The following ANO9 variants were observed in gnomAD, a reference collection of about 807,000 sequenced individuals.
The protein encoded by ANO9 is anoctamin 9, also known as anoctamin-9.
A neutral mutation model predicts 100.5 loss-of-function variants in ANO9; 80 were observed. That is an observed-to-expected ratio of 0.80 (90% CI 0.66 to 0.96). ANO9 has a LOEUF of 0.96. ANO9 is among the 40% of genes least tolerant of loss of function. The pLI is 0.00. For synonymous variants in ANO9, 473 were observed against 435.6 expected (o/e 1.09, Z -1.07); for missense variants, 1,064 against 1,072.7 (o/e 0.99, Z 0.11).
In ANO9 at chr11:421,071, G is replaced by A. The variant is rs144689538; in HGVS notation, c.1393-29C>T. ...CGGGGCCAGACAGGAGGAGATCAGG[G>A]AGGGGTCCTGGGGGACGGTCAGGGG... On this transcript the variant is annotated intron_variant, in intron 16 of 22. Coordinates refer to ENST00000332826, the MANE Select transcript of ANO9 (RefSeq NM_001012302.3). This position sits in a 1 kb window ranked among gnomAD's most constrained non-coding sequence, Gnocchi z 6.8. 184 of 1,592,356 alleles carry A rather than the reference G, an allele frequency of 1.2e-4. No individual in the cohort carries two copies. The highest frequency in any genetic ancestry group is 1.7e-4 in the Middle Eastern group (1 of 5,964).
In ANO9 at chr11:428,613, G is replaced by T; in HGVS notation, c.1047C>A (p.His349Gln). ...LMICLMIGMA[H>Q]VLVVYRVLAS... ...CCAGGACGCGGTAGACCACCAGGAC[G>T]TGGGCCATGCCGATCATGAGGCAGA... The change falls in exon 13 of 23, where the codon CAC becomes CAA. Residue 349 changes from histidine (H) to glutamine (Q), a missense_variant. Transcript: ENST00000332826. 6.2e-7 allele frequency: 1 copy of T among 1,612,226 alleles called. No individual in the cohort carries two copies. The highest frequency in any genetic ancestry group is 8.5e-7 in the Non-Finnish European group (1 of 1,179,670).
chr11:420,352 G>C (rs528323827), intron 19 of ANO9, 111 bp downstream of exon 19: 14 of 1,501,440 alleles, frequency 9.3e-6, no homozygotes, highest in Middle Eastern at 2.3e-4. Context: ...GGCTGTCTGC[G>C]GCCTGAGATC....
rs1293222860 is a variant in ANO9, at chr11:432,743, G to C, written c.350+571C>G. The C allele has an allele frequency of 6.4e-6, 1 of 155,286 alleles. No homozygotes were observed. The highest frequency in any genetic ancestry group is 1.4e-5 in the Non-Finnish European group (1 of 70,282). 9.6% of individuals were successfully genotyped at this position (155,286 alleles called of 1,614,324 possible). A position where few individuals can be genotyped will look rare whatever the true frequency, so the allele number is the denominator to read the frequency against. On this transcript the variant is annotated intron_variant, in intron 4 of 22. Transcript: ENST00000332826. This position sits in a 1 kb window ranked among gnomAD's most constrained non-coding sequence, Gnocchi z 4.8. ...CGTAACCAATGCCAGGAGTGTCCTT[G>C]GCCGGTCCACCAAGCAGGCCCTGGC...
chr11:438,291 G>A (rs1028277022), intron 1 of ANO9, among the ~76,000 whole-genome samples: 1 of 152,026 alleles, frequency 6.6e-6, no homozygotes, highest in African/African-American at 2.4e-5. Context: ...CCTCGGACAA[G>A]GCAGAAGCAC....
intron 19 of ANO9, 117 bp downstream of exon 19, chr11:420,346 G>C: frequency 2.0e-6 from 3 of 1,496,336 alleles, no homozygotes; most frequent in Non-Finnish European, 2.7e-6. Context: ...GCTGGGGGCT[G>C]TCTGCGGCCT....
intron 1 of ANO9, among the ~76,000 whole-genome samples, chr11:438,522 C>G (rs1446449283): frequency 6.6e-6 from 1 of 151,534 alleles, no homozygotes; most frequent in Non-Finnish European, 1.5e-5. Context: ...CCTCAGGCTC[C>G]GAGACTCTGC....
At chr11:419,516 C>T in intron 20 of ANO9, 66 bp downstream of exon 20, 1 of 1,574,486 alleles carries the variant, frequency 6.4e-7, no homozygotes, top group Non-Finnish European at 8.6e-7. Context: ...GGGTCTGGAT[C>T]CCCCAGGGCT....
rs1023366996 is a variant in ANO9, at chr11:421,212, G to C, written c.1335-14C>G. Reference sequence around the variant, plus strand: ...TGGCCGTTGATCCTGGGGAGGAAGGGGAAGTCTGGGGCACTGCGGGCAGCG... The same window carrying C: ...TGGCCGTTGATCCTGGGGAGGAAGGCGAAGTCTGGGGCACTGCGGGCAGCG... On this transcript the variant is annotated splice_polypyrimidine_tract_variant and intron_variant, in intron 15 of 22. Transcript: ENST00000332826. The surrounding 1 kb of genome is among the most constrained non-coding windows in gnomAD (Gnocchi z 6.8). 5.9e-6 allele frequency: 9 copies of C among 1,529,450 alleles called. No individual in the cohort carries two copies. Among genetic ancestry groups the C allele is most frequent in the Non-Finnish European group, 8.8e-7 (1 of 1,135,812 alleles). The allele number at this position is 1,529,450 out of a possible 1,614,324, so 94.7% of individuals were successfully genotyped here.
At chr11:437,585 C>T (rs1845461832) in intron 1 of ANO9, among the ~76,000 whole-genome samples, 1 of 152,184 alleles carries the variant, frequency 6.6e-6, no homozygotes. Context: ...TCTCCCCCGT[C>T]CTGGGTTAGA....
At chr11:433,056 G>A in intron 4 of ANO9, 1 of 496,070 alleles carries the variant, frequency 2.0e-6, no homozygotes, top group South Asian at 3.3e-5. Context: ...CTGTGACTGT[G>A]TCCCCAGGAA....
intron 1 of ANO9, among the ~76,000 whole-genome samples, 183 bp from the exon 2 acceptor site, chr11:434,281 A>C (rs1849279031): frequency 6.6e-6 from 1 of 152,168 alleles, no homozygotes; most frequent in African/African-American, 2.4e-5. Flanking sequence ...GCTACAAACA[A>C]CCGACGAAGG....
intron 3 of ANO9, 21 bp from the exon 4 acceptor site, chr11:433,480 C>G: frequency 6.2e-7 from 1 of 1,612,790 alleles, no homozygotes; most frequent in East Asian, 2.2e-5. Context: ...ATGGGATCCT[C>G]TATCCCACCT....
Position 420,974 on chromosome 11 carries a change from C to T in ANO9, c.1461G>A (p.Thr487=). 1.2e-6 allele frequency: 2 copies of T among 1,606,584 alleles called. No individual in the cohort carries two copies. The highest frequency in any genetic ancestry group is 1.1e-5 in the South Asian group (1 of 90,914). The change falls in exon 17 of 23, where the codon ACG becomes ACA. Residue 487 remains threonine, a synonymous_variant. Coordinates refer to ENST00000332826, the MANE Select transcript of ANO9 (RefSeq NM_001012302.3). ...CCAGGTACTCGACGCAGTTGCTGAG[C>T]GTCTGCTTCAGGCCCATGATGATGG... ...QMAIIMGLKQ[T]LSNCVEYLVP...
Position 419,639 on chromosome 11 carries a change from CG to C in ANO9, c.1876del (p.Arg626GlufsTer12), listed in dbSNP as rs1564902643. ...VIAFTSEFIP[R>X]VVYKYRYSPC... Reference sequence around the variant, plus strand: ...GCTATAGCGGTACTTGTAGACCACTCGGGGGATGAACTCAGATGTGAAGGCA... The same window carrying C: ...GCTATAGCGGTACTTGTAGACCACTCGGGGATGAACTCAGATGTGAAGGCA... On this transcript the variant is annotated frameshift_variant, in exon 20 of 23. Transcript: ENST00000332826. LOFTEE classifies it high-confidence loss of function. 1 of 1,613,572 alleles carries C rather than the reference CG, an allele frequency of 6.2e-7. No individual in the cohort carries two copies. The highest frequency in any genetic ancestry group is 1.7e-5 in the Admixed American group (1 of 60,004).
rs201605261 is a variant in ANO9 at position 428,688 on chromosome 11, G to A, written c.1020+34C>T. Reference sequence around the variant, plus strand: ...GGGGCCGGGGAGGGCATGCAGCCCGGGTCTCCAGCCCCACCGCGGTGTCCC... The same window carrying A: ...GGGGCCGGGGAGGGCATGCAGCCCGAGTCTCCAGCCCCACCGCGGTGTCCC... On this transcript the variant is annotated intron_variant, in intron 12 of 22. Coordinates refer to ENST00000332826, the MANE Select transcript of ANO9 (RefSeq NM_001012302.3). 626 of 1,612,472 alleles carry A rather than the reference G, an allele frequency of 3.9e-4. No homozygotes were observed. In the African/African-American group the frequency reaches 7.5e-3, roughly 19 times the overall value.
Position 429,779 on chromosome 11 carries a change from C to T in ANO9, c.811G>A (p.Ala271Thr), listed in dbSNP as rs766520769. The change falls in exon 10 of 23, where the codon GCC (alanine) becomes ACC (threonine). Residue 271 changes from alanine to threonine, a missense_variant. Physicochemically the swap from Ala to Thr is moderately conservative, Grantham distance 58 (BLOSUM62 0). Coordinates refer to ENST00000332826, the MANE Select transcript of ANO9 (RefSeq NM_001012302.3). ...TCACCCCAGAGAGCCATGAAGATGG[C>T]GAACACCACCGTGCCATCATTGTCA... ...LFDNDGTVVF[A>T]IFMALWATVF... The T allele has an allele frequency of 1.2e-5, 20 of 1,609,946 alleles. No individual in the cohort carries two copies. Among genetic ancestry groups the T allele is most frequent in the Admixed American group, 3.3e-5 (2 of 59,862 alleles).
chr11:434,319 C>T (rs1849283472), intron 1 of ANO9, among the ~76,000 whole-genome samples: 1 of 152,192 alleles, frequency 6.6e-6, no homozygotes, highest in African/African-American at 2.4e-5. Flanking sequence ...GCGTGAGGGG[C>T]TCCTACAAAT....
At position 432,025 on chromosome 11, in the gene ANO9, A is replaced by G. The variant is rs1302729305; in HGVS notation, c.380T>C (p.Val127Ala). The G allele has an allele frequency of 1.9e-6, 3 of 1,612,980 alleles. No individual in the cohort carries two copies. The highest frequency in any genetic ancestry group is 2.5e-6 in the Non-Finnish European group (3 of 1,179,744). The change falls in exon 5 of 23, where the codon GTC becomes GCC. Residue 127 changes from valine to alanine, a missense_variant. Coordinates refer to ENST00000332826, the MANE Select transcript of ANO9 (RefSeq NM_001012302.3). This position sits in a 1 kb window ranked among gnomAD's most constrained non-coding sequence, Gnocchi z 4.8. ...ACCAGCCGAGGTCTTGTTGTTCATG[A>G]CAACGAAGTTCACGATTCGGATTCT... Reference protein sequence around the residue: ...SLRIRIVNFVVMNNKTSAGET... With the variant: ...SLRIRIVNFVAMNNKTSAGET...
rs1848072373 is a variant in ANO9, at chr11:419,915, AC to A, written c.1787-187del. 2.1e-6 allele frequency: 3 copies of A among 1,405,696 alleles called. No homozygotes were observed. In the South Asian group the frequency reaches 4.6e-5, roughly 21 times the overall value. The allele number at this position is 1,405,696 out of a possible 1,614,324, so 87.1% of individuals were successfully genotyped here. On this transcript the variant is annotated intron_variant, in intron 19 of 22. Coordinates refer to ENST00000332826, the MANE Select transcript of ANO9 (RefSeq NM_001012302.3). Reference sequence around the variant, plus strand: ...CAGAGCATGGCCTCTGCGCTCCTGCACCCCTCACCCTGACATGGACAGGGAG... The same window carrying A: ...CAGAGCATGGCCTCTGCGCTCCTGCACCCTCACCCTGACATGGACAGGGAG...
Sources: allele counts gnomAD v4.1 joint callset (sites outside exome capture counted in the v4.1 genomes callset), GRCh38; gene constraint gnomAD v4.1.1; non-coding constraint Gnocchi (gnomAD v3.1); transcripts MANE v1.5; gene names NCBI Gene and HGNC (gene_info 2026-07-23, HGNC 2026-07-21).